Variants in ROBO1 observed in about 807,000 individuals in gnomAD.
ROBO1 encodes the protein roundabout guidance receptor 1.
A neutral mutation model predicts 195.9 loss-of-function variants in ROBO1; 149 were observed. The observed-to-expected ratio is 0.76, with a 90% confidence interval of 0.67 to 0.87. ROBO1 has a LOEUF of 0.87. ROBO1 is among the 40% of genes least tolerant of loss of function. The pLI is 0.00. For missense variants in ROBO1, 1,933 were observed against 2,068.3 expected, an observed-to-expected ratio of 0.93 and a Z score of 1.27; for synonymous variants, 816 against 733.2, an observed-to-expected ratio of 1.11 and a Z score of -1.82.
chr3:78,940,577 C>A (rs2040077102), intron 3 of ROBO1, among the ~76,000 whole-genome samples: 1 of 152,218 alleles, frequency 6.6e-6, no homozygotes, highest in Non-Finnish European at 1.5e-5. Flanking sequence ...TTTATGCCTG[C>A]CACAGGGCCT....
At chr3:79,048,913 A>G (rs1346880640) in intron 3 of ROBO1, among the ~76,000 whole-genome samples, 3 of 152,158 alleles carry the variant, frequency 2.0e-5, no homozygotes, top group Non-Finnish European at 4.4e-5. Flanking sequence ...TCAAAGACCA[A>G]AGGTAGATAA....
At chr3:78,839,365 C>T (rs1356158127) in intron 4 of ROBO1, among the ~76,000 whole-genome samples, 1 of 151,754 alleles carries the variant, frequency 6.6e-6, no homozygotes. Flanking sequence ...TGATAGGTGG[C>T]CTTCCCTAGT....
At chr3:79,232,260 A>AAT (rs1553704315) in intron 2 of ROBO1, among the ~76,000 whole-genome samples, 45 of 147,426 alleles carry the variant, frequency 3.1e-4, no homozygotes, top group African/African-American at 8.0e-4. Flanking sequence ...AAAAAAAAAA[A>AAT]ATATATATAT....
intron 1 of ROBO1, among the ~76,000 whole-genome samples, chr3:79,700,319 G>T (rs13095107): frequency 1.7e-3 from 216 of 127,908 alleles, no homozygotes; most frequent in Middle Eastern, 4.0e-3. Flanking sequence ...GTGTGTGTTT[G>T]TGTGTGTGTG....
chr3:79,479,765 G>A (rs916464313), intron 2 of ROBO1, among the ~76,000 whole-genome samples: 2 of 151,952 alleles, frequency 1.3e-5, no homozygotes, highest in Non-Finnish European at 1.5e-5. Context: ...TTATAAATAC[G>A]TTATGTCAGT....
chr3:79,460,789 C>T (rs1303715874), intron 2 of ROBO1, among the ~76,000 whole-genome samples: 1 of 151,948 alleles, frequency 6.6e-6, no homozygotes, highest in Non-Finnish European at 1.5e-5. Flanking sequence ...GCTCTGTCGC[C>T]CAGGCTGGAG....
intron 1 of ROBO1, among the ~76,000 whole-genome samples, chr3:79,727,205 T>C (rs1702959887): frequency 6.6e-6 from 1 of 152,152 alleles, no homozygotes; most frequent in African/African-American, 2.4e-5. Flanking sequence ...CAAACATTAA[T>C]TGAAGTCAAT....
intron 2 of ROBO1, among the ~76,000 whole-genome samples, chr3:79,496,059 AAAT>A (rs1939714473): frequency 6.6e-6 from 1 of 151,812 alleles, no homozygotes; most frequent in South Asian, 2.1e-4. Context: ...CTAAAAATAC[AAAT>A]ATTAGCCAGG....
chr3:78,992,421 A>G (rs1015734703), intron 3 of ROBO1, among the ~76,000 whole-genome samples: 1 of 152,158 alleles, frequency 6.6e-6, no homozygotes, highest in Non-Finnish European at 1.5e-5. Flanking sequence ...CTGAAAGTGA[A>G]AGAAGGATCC....
Position 79,539,408 on chromosome 3 carries a change from A to G in ROBO1, c.88+50416T>C, listed in dbSNP as rs1176217440. 2.0e-5 allele frequency among the ~76,000 whole-genome samples: 3 copies of G among 152,272 alleles called. No individual in the cohort carries two copies. In the East Asian group the frequency reaches 5.8e-4, roughly 29 times the overall value. ...TTACAAAAGAAATGTGTGTTTTAAA[A>G]AAGACTTTTGGGTAAATAGGCTATA... On this transcript the variant is annotated intron_variant, in intron 2 of 30. Transcript: ENST00000464233.
intron 3 of ROBO1, among the ~76,000 whole-genome samples, chr3:79,110,797 T>A (rs1013390868): frequency 1.3e-5 from 2 of 151,606 alleles, no homozygotes; most frequent in African/African-American, 4.8e-5. Context: ...TAATTTTAAA[T>A]TTTTGTAGAT....
intron 2 of ROBO1, among the ~76,000 whole-genome samples, chr3:79,492,190 C>T (rs998129058): frequency 4.0e-5 from 6 of 151,864 alleles, no homozygotes; most frequent in East Asian, 3.9e-4. Flanking sequence ...TTTGGGAGGC[C>T]GAGGCAGGCG....
At chr3:79,718,694 G>C (rs1255260032) in intron 1 of ROBO1, among the ~76,000 whole-genome samples, 1 of 152,020 alleles carries the variant, frequency 6.6e-6, no homozygotes, top group East Asian at 1.9e-4. Context: ...CATGGAAATA[G>C]AGTATTTCTT....
intron 2 of ROBO1, among the ~76,000 whole-genome samples, chr3:79,438,211 C>T (rs1490334166): frequency 6.6e-6 from 1 of 151,826 alleles, no homozygotes; most frequent in Non-Finnish European, 1.5e-5. Context: ...TAAATACCTG[C>T]ATTTTTATTT....
chr3:78,825,389 T>C (rs1005026996), intron 4 of ROBO1, among the ~76,000 whole-genome samples: 1 of 152,006 alleles, frequency 6.6e-6, no homozygotes, highest in Non-Finnish European at 1.5e-5. Context: ...AAACAAAACA[T>C]GCAAAACAGG....
At chr3:79,724,030 G>T (rs528471235) in intron 1 of ROBO1, among the ~76,000 whole-genome samples, 1 of 152,242 alleles carries the variant, frequency 6.6e-6, no homozygotes, top group Admixed American at 6.5e-5. Context: ...AAGGATTTTG[G>T]CTTAAACTAT....
intron 3 of ROBO1, among the ~76,000 whole-genome samples, chr3:79,046,406 A>T (rs981583203): frequency 6.6e-6 from 1 of 152,124 alleles, no homozygotes; most frequent in Non-Finnish European, 1.5e-5. Flanking sequence ...GCACCCAGCT[A>T]AGCTGTACCC....
chr3:79,366,882 A>C (rs552210263), intron 2 of ROBO1, among the ~76,000 whole-genome samples: 167 of 109,636 alleles, frequency 1.5e-3, no homozygotes, highest in African/African-American at 5.9e-3. Context: ...TATATTAAGG[A>C]TGTCTTAGAA....
At chr3:78,862,258 T>G (rs1331359590) in intron 4 of ROBO1, among the ~76,000 whole-genome samples, 1 of 151,918 alleles carries the variant, frequency 6.6e-6, no homozygotes, top group Admixed American at 6.6e-5. Flanking sequence ...AGAGAAGGCA[T>G]AAAGGCAATC....
Sources: allele counts gnomAD v4.1 joint callset (sites outside exome capture counted in the v4.1 genomes callset), GRCh38; gene constraint gnomAD v4.1.1; transcripts MANE v1.5; gene names NCBI Gene and HGNC (gene_info 2026-07-23, HGNC 2026-07-21).